The following LHFPL5 variants were observed in gnomAD, a reference collection of about 807,000 sequenced individuals.
The protein encoded by LHFPL5 is LHFPL tetraspan subfamily member 5, also known as LHFPL tetraspan subfamily member 5 protein.
A neutral mutation model predicts 18.7 loss-of-function variants in LHFPL5; 12 were observed. The ratio of observed to expected loss-of-function variants is 0.64; its 90% confidence interval spans 0.41 to 1.04. LHFPL5 has a LOEUF of 1.04. Ranked by LOEUF, LHFPL5 falls within the 50% of genes least tolerant of loss-of-function variation. The probability of loss-of-function intolerance (pLI) is 0.00; values close to 1 mark genes in which losing one functional copy is unlikely to be tolerated. For missense variants in LHFPL5, 259 were observed against 292.1 expected, an observed-to-expected ratio of 0.89 and a Z score of 0.83; for synonymous variants, 111 against 120.2, an observed-to-expected ratio of 0.92 and a Z score of 0.50.
At chr6:35,810,770 TGAGC>T (rs1311684001) in intron 1 of LHFPL5, among the ~76,000 whole-genome samples, 1 of 142,998 alleles carries the variant, frequency 7.0e-6, no homozygotes, top group East Asian at 2.0e-4. Flanking sequence ...GAGCTTGCAG[TGAGC>T]CAAGATCGCG....
At chr6:35,819,545 C>G in intron 3 of LHFPL5, 82 bp downstream of exon 3, 1 of 1,269,182 alleles carries the variant, frequency 7.9e-7, no homozygotes, top group South Asian at 1.2e-5. Flanking sequence ...CCTCAGGCAT[C>G]AGGACACCAG....
At chr6:35,811,322 C>A (rs1768661809) in intron 1 of LHFPL5, 1 of 152,246 alleles carries the variant, frequency 6.6e-6, no homozygotes, top group Non-Finnish European at 1.5e-5. Context: ...TAATTGGCCA[C>A]TTTCCATGTA....
intron 3 of LHFPL5, among the ~76,000 whole-genome samples, chr6:35,821,181 G>C (rs2151072335): frequency 6.6e-6 from 1 of 151,970 alleles, no homozygotes; most frequent in Admixed American, 6.6e-5. Flanking sequence ...GCATGCACCT[G>C]TAATCCCAGC....
Position 35,805,405 on chromosome 6 carries a change from C to G in LHFPL5, c.-266C>G. 1 of 492,200 alleles carries G rather than the reference C, an allele frequency of 2.0e-6. No homozygotes were observed. The highest frequency in any genetic ancestry group is 2.3e-5 in the South Asian group (1 of 43,218). The allele number at this position is 492,200 out of a possible 1,614,324, so 30.5% of individuals were successfully genotyped here. A position where few individuals can be genotyped will look rare whatever the true frequency, so the allele number is the denominator to read the frequency against. ...GACGGGCAGGGCGGCGCCAGCAGGCCCTGGTGGGCTTGGGAGGAGGCAGGA... is the reference window on the plus strand; with the variant it reads ...GACGGGCAGGGCGGCGCCAGCAGGCGCTGGTGGGCTTGGGAGGAGGCAGGA... On this transcript the variant is annotated 5_prime_UTR_variant, in exon 1 of 4. Transcript: ENST00000360215. This position sits in a 1 kb window ranked among gnomAD's most constrained non-coding sequence, Gnocchi z 4.3.
At chr6:35,818,634 G>A (rs1345869387) in intron 2 of LHFPL5, among the ~76,000 whole-genome samples, 2 of 151,346 alleles carry the variant, frequency 1.3e-5, no homozygotes, top group Admixed American at 1.3e-4. Context: ...ATAGGTGTGA[G>A]CCACTGCATC....
chr6:35,814,461 C>A lies in LHFPL5; in HGVS notation c.413-85C>A. On this transcript the variant is annotated intron_variant, in intron 1 of 3. Coordinates refer to ENST00000360215, the MANE Select transcript of LHFPL5 (RefSeq NM_182548.4). This position sits in a 1 kb window ranked among gnomAD's most constrained non-coding sequence, Gnocchi z 4.2. The stretch of plus-strand genomic sequence containing the variant: ...GTTAACAGAAGGAGAAGGGAGGTGA[C>A]AACATAACAGCAGTGCAAGGTGTGG... 3 of 1,046,988 alleles carry A rather than the reference C, an allele frequency of 2.9e-6. No individual in the cohort carries two copies. The highest frequency in any genetic ancestry group is 3.0e-6 in the Non-Finnish European group (2 of 664,196). The allele number at this position is 1,046,988 out of a possible 1,614,324, so 64.9% of individuals were successfully genotyped here.
intron 1 of LHFPL5, among the ~76,000 whole-genome samples, chr6:35,806,753 T>C (rs1020504431): frequency 6.6e-6 from 1 of 152,212 alleles, no homozygotes; most frequent in Non-Finnish European, 1.5e-5. Flanking sequence ...TGGGATTTTA[T>C]ACTTAAGGCA....
Position 35,813,792 on chromosome 6 carries a change from C to CTT in LHFPL5, c.413-734_413-733dup, listed in dbSNP as rs1012092184. On this transcript the variant is annotated intron_variant, in intron 1 of 3. Transcript: ENST00000360215. Reference sequence around the variant, plus strand: ...GCCTGACACTTTCTTTTTCCTTTTCCTTTTTTTTTTTTTTTTTTTTTGAGA... The same window carrying CTT: ...GCCTGACACTTTCTTTTTCCTTTTCCTTTTTTTTTTTTTTTTTTTTTTTGAGA... Among the ~76,000 whole-genome samples, 259 of 121,498 alleles carry CTT rather than the reference C, an allele frequency of 2.1e-3. 2 individuals are homozygous for CTT. Among genetic ancestry groups the CTT allele is most frequent in the African/African-American group, 5.2e-3 (158 of 30,164 alleles). 79.7% of individuals were successfully genotyped at this position (121,498 alleles called of 152,430 possible).
At chr6:35,821,657 T>C (rs1320993542) in intron 3 of LHFPL5, among the ~76,000 whole-genome samples, 1 of 151,702 alleles carries the variant, frequency 6.6e-6, no homozygotes, top group East Asian at 1.9e-4. Context: ...AATTTTGTAT[T>C]TTTAGTAGAG....
intron 1 of LHFPL5, among the ~76,000 whole-genome samples, chr6:35,810,235 A>G (rs1768640772): frequency 6.6e-6 from 1 of 151,994 alleles, no homozygotes; most frequent in East Asian, 1.9e-4. Context: ...CAAAGGCCCC[A>G]CCTCCTAACA....
In LHFPL5 at chr6:35,805,928, C is replaced by A; in HGVS notation, c.258C>A (p.Phe86Leu). The part of the protein sequence containing the change: ...ELICKGGPLD[F>L]SSIPSRAFKT... ...TCTGCAAGGGCGGCCCCCTAGACTT[C>A]TCCTCCATCCCCTCTAGAGCCTTCA... Residue 86 changes from phenylalanine (F) to leucine (L), a missense_variant, in exon 1 of 4, where the codon TTC becomes TTA. Transcript: ENST00000360215. The surrounding 1 kb of genome is among the most constrained non-coding windows in gnomAD (Gnocchi z 4.3). The A allele has an allele frequency of 6.2e-7, 1 of 1,614,260 alleles. No homozygotes were observed.
In LHFPL5 at chr6:35,819,482, G is replaced by A. The variant is rs1366929517; in HGVS notation, c.*16+19G>A. The A allele has an allele frequency of 1.9e-6, 3 of 1,612,480 alleles. No homozygotes were observed. The South Asian group carries it at 3.3e-5, about 18-fold the overall frequency. On this transcript the variant is annotated intron_variant, in intron 3 of 3. Coordinates refer to ENST00000360215, the MANE Select transcript of LHFPL5 (RefSeq NM_182548.4). ...AGGGTCGGTGAGTAATTCTATGGGA[G>A]GGTGGTCTGCGTGCCCTTAGAAAGG...
At chr6:35,806,396 C>T (rs375373887) in intron 1 of LHFPL5, among the ~76,000 whole-genome samples, 2 of 152,046 alleles carry the variant, frequency 1.3e-5, no homozygotes, top group African/African-American at 4.8e-5. Context: ...GTTGCCAGTC[C>T]TGATTCCCAG....
chr6:35,808,584 T>TA (rs1768613494), intron 1 of LHFPL5, among the ~76,000 whole-genome samples: 1 of 133,560 alleles, frequency 7.5e-6, no homozygotes, highest in East Asian at 2.1e-4. Flanking sequence ...TATATATATA[T>TA]ATATATATAT....
rs1768693988 is a variant in LHFPL5, at chr6:35,813,062, A to G, written c.413-1484A>G. Among the ~76,000 whole-genome samples, 2 of 152,130 alleles carry G rather than the reference A, an allele frequency of 1.3e-5. 1 individual carries two copies. Among genetic ancestry groups the G allele is most frequent in the South Asian group, 4.1e-4 (2 of 4,820 alleles). ...AGAGCAAGACTCTGTCTCAAAAAAA[A>G]AGAAAAGAAAGCTTAAGTTGCTTGC... On this transcript the variant is annotated intron_variant, in intron 1 of 3. Coordinates refer to ENST00000360215, the MANE Select transcript of LHFPL5 (RefSeq NM_182548.4).
chr6:35,812,379 G>A (rs1317451588), intron 1 of LHFPL5, among the ~76,000 whole-genome samples: 1 of 152,152 alleles, frequency 6.6e-6, no homozygotes, highest in Non-Finnish European at 1.5e-5. Flanking sequence ...CTGTGGGAAA[G>A]TGGCACAGAT....
At chr6:35,806,177 A>C in intron 1 of LHFPL5, 95 bp downstream of exon 1, 1 of 1,372,272 alleles carries the variant, frequency 7.3e-7, no homozygotes, top group Non-Finnish European at 1.0e-6. Context: ...CTGGGCCTTA[A>C]ATTTAGCTGT....
chr6:35,821,018 A>T (rs1768854980), intron 3 of LHFPL5, among the ~76,000 whole-genome samples: 1 of 152,144 alleles, frequency 6.6e-6, no homozygotes, highest in African/African-American at 2.4e-5. Context: ...TAAAATGCAG[A>T]TTCTGCTGGG....
At chr6:35,821,081 A>C (rs539716705) in intron 3 of LHFPL5, among the ~76,000 whole-genome samples, 7 of 152,274 alleles carry the variant, frequency 4.6e-5, no homozygotes, top group Admixed American at 2.6e-4. Context: ...AGGCAGGCAG[A>C]TCACCTGAGG....
Sources: gnomAD v4.1 joint callset for allele counts (sites outside exome capture counted in the v4.1 genomes callset) on GRCh38, gnomAD v4.1.1 for gene constraint, Gnocchi (gnomAD v3.1) non-coding constraint, MANE v1.5 for transcripts, NCBI Gene and HGNC (gene_info 2026-07-23, HGNC 2026-07-21) for gene names.